The following NIPAL4 variants were observed in gnomAD, a reference collection of about 807,000 sequenced individuals.
NIPAL4 encodes magnesium transporter NIPA4.
Under a neutral mutation model 31.6 loss-of-function variants are expected in NIPAL4, and 21 were observed. That is an observed-to-expected ratio of 0.67 (90% CI 0.47 to 0.96). The LOEUF (loss-of-function observed/expected upper bound fraction) is 0.96, where lower values mean the gene tolerates loss of function less well. NIPAL4 is among the 40% of genes least tolerant of loss of function. The pLI, the probability that NIPAL4 is intolerant of heterozygous loss-of-function variation, is 0.00. For synonymous variants in NIPAL4, 175 were observed against 211.1 expected (o/e 0.83, Z 1.48); for missense variants, 438 against 508.0 (o/e 0.86, Z 1.32).
rs920033734 is a variant in NIPAL4 at position 157,465,191 on chromosome 5, T to C, written c.277+1858T>C. ...GGTCATTGCCATTCCACCCTTCACTTCTAGACAAGTGTTGGAAAGGCCAGA... is the reference window on the plus strand; with the variant it reads ...GGTCATTGCCATTCCACCCTTCACTCCTAGACAAGTGTTGGAAAGGCCAGA... On this transcript the variant is annotated intron_variant, in intron 2 of 5. Transcript: ENST00000311946. 6.6e-5 allele frequency among the ~76,000 whole-genome samples: 10 copies of C among 152,174 alleles called. No individual in the cohort carries two copies. The East Asian group carries it at 1.9e-3, about 29-fold the overall frequency.
intron 4 of NIPAL4, among the ~76,000 whole-genome samples, chr5:157,469,847 G>A (rs562497722): frequency 2.6e-5 from 4 of 152,272 alleles, no homozygotes; most frequent in African/African-American, 9.6e-5. Context: ...AACTCATGCT[G>A]TACAACTCGC....
rs1342881632 is a variant in NIPAL4 at position 157,472,620 on chromosome 5, C to T, written c.875C>T (p.Ser292Phe). Reference protein sequence around the residue: ...LNRALDIFNTSLVFPIYYVFF... With the variant: ...LNRALDIFNTFLVFPIYYVFF... ...AGAGCACTGGACATTTTCAACACTTCCCTGGTGTTCCCCATCTACTACGTG... is the reference window on the plus strand; with the variant it reads ...AGAGCACTGGACATTTTCAACACTTTCCTGGTGTTCCCCATCTACTACGTG... Residue 292 changes from serine (S) to phenylalanine (F), a missense_variant, in exon 6 of 6, where the codon TCC becomes TTC. Ser to Phe is a radical substitution (Grantham distance 155, BLOSUM62 -2). Transcript: ENST00000311946. 2.5e-6 allele frequency: 4 copies of T among 1,613,836 alleles called. No homozygotes were observed. Among genetic ancestry groups the T allele is most frequent in the African/African-American group, 2.7e-5 (2 of 74,910 alleles).
At chr5:157,468,676 G>T in intron 3 of NIPAL4, 46 bp from the exon 4 acceptor site, 1 of 1,055,896 alleles carries the variant, frequency 9.5e-7, no homozygotes, top group South Asian at 1.3e-5. Context: ...GAATGGAGAT[G>T]GTGCTTCTGC....
intron 2 of NIPAL4, among the ~76,000 whole-genome samples, chr5:157,465,664 C>A (rs1298161060): frequency 6.6e-6 from 1 of 151,892 alleles, no homozygotes; most frequent in African/African-American, 2.4e-5. Context: ...AAATTAAGAA[C>A]AACAATGCCA....
chr5:157,470,262 T>A (rs183056356), intron 4 of NIPAL4, among the ~76,000 whole-genome samples: 3 of 152,330 alleles, frequency 2.0e-5, no homozygotes, highest in East Asian at 3.9e-4. Flanking sequence ...CCTCTCTTGC[T>A]TCTGCTGGCT....
At chr5:157,469,715 T>G (rs1754372414) in intron 4 of NIPAL4, among the ~76,000 whole-genome samples, 1 of 152,202 alleles carries the variant, frequency 6.6e-6, no homozygotes, top group Non-Finnish European at 1.5e-5. Context: ...TGAAGGAGAC[T>G]CTGATTGTTG....
At chr5:157,467,140 T>A (rs764028926) in intron 3 of NIPAL4, 35 bp downstream of exon 3, 55 of 1,477,768 alleles carry the variant, frequency 3.7e-5, no homozygotes, top group Admixed American at 2.7e-4. Context: ...AACAGTGGCC[T>A]ATTGATAGCA....
intron 2 of NIPAL4, among the ~76,000 whole-genome samples, chr5:157,464,218 C>T (rs146186939): frequency 5.3e-5 from 8 of 152,036 alleles, no homozygotes; most frequent in Admixed American, 1.3e-4. Context: ...AGGAATAACA[C>T]GTGCAAAGGC....
intron 4 of NIPAL4, 150 bp from the exon 5 acceptor site, chr5:157,471,507 G>C (rs368063602): frequency 2.1e-5 from 13 of 625,044 alleles, no homozygotes; most frequent in Non-Finnish European, 3.0e-5. Context: ...CCATGGTAAC[G>C]TAAGTTTTTT....
At chr5:157,467,002 A>C in intron 2 of NIPAL4, 47 bp from the exon 3 acceptor site, 1 of 1,444,868 alleles carries the variant, frequency 6.9e-7, no homozygotes, top group Non-Finnish European at 9.7e-7. Context: ...GTACCTGAGA[A>C]AGTGTGGCCA....
In NIPAL4 at chr5:157,460,419, A is replaced by G. The variant is rs753289092; in HGVS notation, c.37+62A>G. On this transcript the variant is annotated intron_variant, in intron 1 of 5. Coordinates refer to ENST00000311946, the MANE Select transcript of NIPAL4 (RefSeq NM_001099287.2). ...CGCTTCGCGCCCTCCCCTCCTTGCC[A>G]CCGCTCTCCCTCGCATCCTCTCCTC... 8,280 of 1,454,042 alleles carry G rather than the reference A, an allele frequency of 5.7e-3. 46 individuals are homozygous for G. The highest frequency in any genetic ancestry group is 7.1e-3 in the Non-Finnish European group (7,573 of 1,072,650). 90.1% of individuals were successfully genotyped at this position (1,454,042 alleles called of 1,614,324 possible). A position where few individuals can be genotyped will look rare whatever the true frequency, so the allele number is the denominator to read the frequency against.
chr5:157,468,323 C>T (rs893950824), intron 3 of NIPAL4, among the ~76,000 whole-genome samples: 2 of 152,082 alleles, frequency 1.3e-5, no homozygotes, highest in African/African-American at 4.8e-5. Flanking sequence ...ACCTGGAGAA[C>T]CAATAATTGT....
intron 4 of NIPAL4, 41 bp from the exon 5 acceptor site, chr5:157,471,616 G>C: frequency 6.5e-7 from 1 of 1,545,872 alleles, no homozygotes; most frequent in Non-Finnish European, 8.8e-7. Flanking sequence ...TCTGGGACAG[G>C]CATGGCTGCT....
intron 3 of NIPAL4, 126 bp from the exon 4 acceptor site, chr5:157,468,596 T>C (rs1429590718): frequency 2.9e-6 from 2 of 689,368 alleles, no homozygotes; most frequent in African/African-American, 3.5e-5. Flanking sequence ...GGAGAGAGCG[T>C]ATGGATCAAG....
chr5:157,462,904 G>C (rs1347725968), intron 1 of NIPAL4, among the ~76,000 whole-genome samples, 190 bp from the exon 2 acceptor site: 1 of 152,210 alleles, frequency 6.6e-6, no homozygotes, highest in Non-Finnish European at 1.5e-5. Flanking sequence ...ATTTGTTGTG[G>C]TCATGCAAAG....
At chr5:157,466,182 A>G (rs550665843) in intron 2 of NIPAL4, among the ~76,000 whole-genome samples, 1 of 152,318 alleles carries the variant, frequency 6.6e-6, no homozygotes, top group South Asian at 2.1e-4. Context: ...AGCAACCTGT[A>G]GAGTGAGTGT....
chr5:157,468,783 G>C lies in NIPAL4; in HGVS notation c.396G>C (p.Thr132=), dbSNP rs58332403. 6.2e-7 allele frequency: 1 copy of C among 1,609,472 alleles called. No homozygotes were observed. The change falls in exon 4 of 6, where the codon ACG becomes ACC. Residue 132 remains threonine, a synonymous_variant. Transcript: ENST00000311946. The part of the protein sequence containing the change: ...AYAFAPATVV[T]PLGALSVLIS... ...CATTTGCACCTGCAACAGTCGTCAC[G>C]CCTCTGGGAGCGCTGAGTGTCCTCA...
chr5:157,472,255 C>A, intron 5 of NIPAL4, 77 bp from the exon 6 acceptor site: 1 of 1,363,932 alleles, frequency 7.3e-7, no homozygotes, highest in Non-Finnish European at 1.0e-6. Flanking sequence ...TGCTACCTCC[C>A]ACTGCCATGA....
chr5:157,471,911 G>C, intron 5 of NIPAL4, 94 bp downstream of exon 5: 1 of 925,772 alleles, frequency 1.1e-6, no homozygotes, highest in Non-Finnish European at 1.7e-6. Flanking sequence ...GACCACCTCA[G>C]GTGCTGCCAC....
Sources: allele counts gnomAD v4.1 joint callset (sites outside exome capture counted in the v4.1 genomes callset), GRCh38; gene constraint gnomAD v4.1.1; transcripts MANE v1.5; gene names NCBI Gene and HGNC (gene_info 2026-07-23, HGNC 2026-07-21).